The following OSMR variants were observed in gnomAD, a reference collection of about 807,000 sequenced individuals.
OSMR encodes the protein oncostatin M receptor.
In OSMR, 81 loss-of-function variants were observed where a neutral mutation model predicts 99.9. That is an observed-to-expected ratio of 0.81 (90% confidence interval 0.68 to 0.97). OSMR has a LOEUF of 0.97. Ranked by LOEUF, OSMR falls within the 50% of genes least tolerant of loss-of-function variation. The probability of loss-of-function intolerance (pLI) is 0.00; values close to 1 mark genes in which losing one functional copy is unlikely to be tolerated. For missense variants in OSMR, 1,099 were observed against 1,153.4 expected, an observed-to-expected ratio of 0.95 and a Z score of 0.68; for synonymous variants, 406 against 410.4, an observed-to-expected ratio of 0.99 and a Z score of 0.13.
At chr5:38,883,011 G>T (rs755403074) in intron 4 of OSMR, among the ~76,000 whole-genome samples, 5 of 152,146 alleles carry the variant, frequency 3.3e-5, no homozygotes, top group African/African-American at 9.7e-5. Flanking sequence ...GGAAAGAAAA[G>T]ATATTAAAAA....
intron 7 of OSMR, among the ~76,000 whole-genome samples, chr5:38,886,826 C>G (rs556450866): frequency 6.6e-6 from 1 of 152,194 alleles, no homozygotes; most frequent in Admixed American, 6.5e-5. Flanking sequence ...GTGTCTAGTA[C>G]ACATCTACAA....
intron 9 of OSMR, among the ~76,000 whole-genome samples, chr5:38,908,051 A>G (rs1194931868): frequency 6.6e-6 from 1 of 151,072 alleles, no homozygotes; most frequent in East Asian, 1.9e-4. Flanking sequence ...CCCCCCCAAC[A>G]CCATCACTGG....
At chr5:38,939,467 A>C (rs753566032), downstream of OSMR, 1 of 232,106 alleles carries the variant, frequency 4.3e-6, no homozygotes, top group Non-Finnish European at 8.5e-6. Context: ...TCCCCCTTCC[A>C]ATCTACCTAA....
intron 2 of OSMR, among the ~76,000 whole-genome samples, chr5:38,874,134 A>G (rs988575267): frequency 6.6e-6 from 1 of 152,114 alleles, no homozygotes; most frequent in Non-Finnish European, 1.5e-5. Context: ...ACCTTATCAG[A>G]TATATGATTT....
rs1484859292 is a variant in OSMR, at chr5:38,934,220, GA to G, written c.*778del. On this transcript the variant is annotated 3_prime_UTR_variant, in exon 18 of 18. Coordinates refer to ENST00000274276, the MANE Select transcript of OSMR (RefSeq NM_003999.3). The stretch of plus-strand genomic sequence containing the variant: ...GATGACTACCTCAGAACATAAAAAG[GA>G]ACGTATATCACATAATTCCAGTCAC... The G allele has an allele frequency of 1.3e-5, 2 of 152,520 alleles. No individual in the cohort carries two copies. The highest frequency in any genetic ancestry group is 4.1e-4 in the South Asian group (2 of 4,826). 9.4% of individuals were successfully genotyped at this position (152,520 alleles called of 1,614,324 possible). A position where few individuals can be genotyped will look rare whatever the true frequency, so the allele number is the denominator to read the frequency against.
chr5:38,886,081 T>C lies in OSMR; in HGVS notation c.882T>C (p.Cys294=). 2 of 1,613,672 alleles carry C rather than the reference T, an allele frequency of 1.2e-6. No individual in the cohort carries two copies. Among genetic ancestry groups the C allele is most frequent in the Non-Finnish European group, 1.7e-6 (2 of 1,179,890 alleles). The change falls in exon 7 of 18, where the codon TGT becomes TGC. Residue 294 remains cysteine (C), a synonymous_variant. Transcript: ENST00000274276. ...EKKLCTHKNW[C]NWQITQDSQE... is the part of the protein sequence containing the mutation. ...AACTTTGTACACACAAAAACTGGTG[T>C]AATTGGCAAATAACTCAAGACTCAC...
In OSMR at chr5:38,919,019, T is replaced by C. The variant is rs780751959; in HGVS notation, c.1542T>C (p.Ala514=). 2.5e-6 allele frequency: 4 copies of C among 1,614,152 alleles called. No homozygotes were observed. In the South Asian group the frequency reaches 4.4e-5, roughly 18 times the overall value. Residue 514 remains alanine, a synonymous_variant, in exon 11 of 18, where the codon GCT becomes GCC. Coordinates refer to ENST00000274276, the MANE Select transcript of OSMR (RefSeq NM_003999.3). The part of the protein sequence containing the change: ...ICVIANNSVG[A]SPASVIVISA... ...TCATAGCCAACAACAGTGTGGGTGC[T>C]TCTCCTGCTTCTGTAATAGTCATCT... is the stretch of plus-strand genomic sequence containing the variant.
At position 38,917,530 on chromosome 5, in the gene OSMR, C is replaced by A; in HGVS notation, c.1286-16C>A. 6.2e-7 allele frequency: 1 copy of A among 1,612,482 alleles called. No individual in the cohort carries two copies. Among genetic ancestry groups the A allele is most frequent in the Non-Finnish European group, 8.5e-7 (1 of 1,178,734 alleles). On this transcript the variant is annotated splice_polypyrimidine_tract_variant and intron_variant, in intron 9 of 17. Transcript: ENST00000274276. ...TACATATTGTGACTCAAGAACTTTT[C>A]TTTGGTTAATTTCAGCTCCCTCAGA...
At chr5:38,900,000 C>A (rs142163435) in intron 7 of OSMR, among the ~76,000 whole-genome samples, 1 of 152,118 alleles carries the variant, frequency 6.6e-6, no homozygotes, top group Non-Finnish European at 1.5e-5. Context: ...AGTTGCAGTC[C>A]TTGTTGCCTA....
intron 5 of OSMR, among the ~76,000 whole-genome samples, chr5:38,884,939 A>G (rs1013418663): frequency 3.3e-5 from 5 of 152,106 alleles, no homozygotes; most frequent in African/African-American, 1.2e-4. Context: ...GTGCTTTGCC[A>G]TTCCCTGAAC....
intron 1 of OSMR, 177 bp from the exon 2 acceptor site, chr5:38,868,855 G>T: frequency 3.9e-6 from 1 of 258,760 alleles, no homozygotes; most frequent in Non-Finnish European, 6.0e-6. Flanking sequence ...CATGGGGCAG[G>T]GAAATATAGT....
chr5:38,925,166 T>C, intron 14 of OSMR, 38 bp from the exon 15 acceptor site: 1 of 1,612,738 alleles, frequency 6.2e-7, no homozygotes, highest in Non-Finnish European at 8.5e-7. Flanking sequence ...ATAAAATCTT[T>C]TTTTTCCTTG....
At chr5:38,932,047 GAAT>G (rs1216292457) in intron 16 of OSMR, 83 bp downstream of exon 16, 16 of 1,008,682 alleles carry the variant, frequency 1.6e-5, no homozygotes, top group Non-Finnish European at 1.9e-5. Flanking sequence ...AAATGACATT[GAAT>G]AATATGAAAC....
At chr5:38,869,872 G>A (rs938709558) in intron 2 of OSMR, among the ~76,000 whole-genome samples, 5 of 151,888 alleles carry the variant, frequency 3.3e-5, no homozygotes, top group Non-Finnish European at 5.9e-5. Flanking sequence ...TCCTCTTCCT[G>A]TATTTATTCT....
In OSMR at chr5:38,944,065, G is replaced by A. The variant is rs144404372; in HGVS notation, c.75-136G>A. Reference sequence around the variant, plus strand: ...AACTACTATATTAGAAATTAAAATTGAGAGAATTTCCTAACATGCATTAAT... The same window carrying A: ...AACTACTATATTAGAAATTAAAATTAAGAGAATTTCCTAACATGCATTAAT... On this transcript the variant is annotated intron_variant and NMD_transcript_variant, in intron 1 of 2. Coordinates refer to the OSMR transcript ENST00000508882. The A allele has an allele frequency of 1.7e-3, 576 of 348,906 alleles. 3 individuals are homozygous for A. Among genetic ancestry groups the A allele is most frequent in the African/African-American group, 0.012 (541 of 46,236 alleles). 21.6% of individuals were successfully genotyped at this position (348,906 alleles called of 1,614,324 possible).
chr5:38,945,338 G>C, downstream of OSMR: 1 of 626,276 alleles, frequency 1.6e-6, no homozygotes, highest in Non-Finnish European at 2.8e-6. Flanking sequence ...GAGAGGATCA[G>C]CATCTCAGCA....
Position 38,941,723 on chromosome 5 carries a change from C to A in OSMR, c.75-2478C>A, listed in dbSNP as rs370102762. 18 of 232,252 alleles carry A rather than the reference C, an allele frequency of 7.8e-5. No homozygotes were observed. The East Asian group carries it at 9.8e-4, about 13-fold the overall frequency. 14.4% of individuals were successfully genotyped at this position (232,252 alleles called of 1,614,324 possible). A position where few individuals can be genotyped will look rare whatever the true frequency, so the allele number is the denominator to read the frequency against. The stretch of plus-strand genomic sequence containing the variant: ...ACTTATAAGTCCCGGGTTGTTGAGG[C>A]TCTTCTTCTGCTTTGAGGTTATAAA... On this transcript the variant is annotated intron_variant and NMD_transcript_variant, in intron 1 of 2. Transcript: ENST00000508882.
chr5:38,878,331 C>T (rs1301034006), intron 3 of OSMR, among the ~76,000 whole-genome samples: 2 of 151,754 alleles, frequency 1.3e-5, no homozygotes, highest in Non-Finnish European at 2.9e-5. Flanking sequence ...CCTGACAGGG[C>T]ACTCTCATTC....
In OSMR at chr5:38,876,207, C is replaced by A; in HGVS notation, c.80C>A (p.Ala27Asp). Residue 27 changes from alanine to aspartate, a missense_variant, in exon 3 of 18, where the codon GCT (alanine) becomes GAT (aspartate). By Grantham distance (126) the Ala-to-Asp change is moderately radical. Transcript: ENST00000274276. ...SLRTYQSEVL[A>D]ERLPLTPVSL... ...TTCATTTTGATCTTTTCAGTCTTGG[C>A]TGAACGTTTACCATTGACTCCTGTA... The A allele has an allele frequency of 6.2e-7, 1 of 1,612,530 alleles. No homozygotes were observed. Among genetic ancestry groups the A allele is most frequent in the Non-Finnish European group, 8.5e-7 (1 of 1,178,662 alleles).
Sources: allele counts gnomAD v4.1 joint callset (sites outside exome capture counted in the v4.1 genomes callset), GRCh38; gene constraint gnomAD v4.1.1; transcripts MANE v1.5; gene names NCBI Gene and HGNC (gene_info 2026-07-23, HGNC 2026-07-21).